The following RIC1 variants were observed in gnomAD, a reference collection of about 807,000 sequenced individuals.
RIC1 encodes the protein RIC1 partner of RAB6A GEF complex, also known as guanine nucleotide exchange factor subunit RIC1.
RIC1 carries 88 observed loss-of-function variants against 169.0 expected under a neutral mutation model. That is an observed-to-expected ratio of 0.52 (90% CI 0.44 to 0.62). The LOEUF is 0.62. Among genes scored for constraint, RIC1 ranks in the 20% least tolerant of loss-of-function variants. The pLI is 0.00. For synonymous variants in RIC1, 790 were observed against 601.5 expected (o/e 1.31, Z -4.59); for missense variants, 1,877 against 1,725.5 (o/e 1.09, Z -1.56).
intron 1 of RIC1, among the ~76,000 whole-genome samples, chr9:5,650,865 G>A (rs1289149280): frequency 6.6e-6 from 1 of 152,110 alleles, no homozygotes; most frequent in Non-Finnish European, 1.5e-5. Flanking sequence ...CACTCTGCTG[G>A]GTCCAAGTGG....
Position 5,629,228 on chromosome 9 carries a change from G to A in RIC1, c.-82G>A. The A allele has an allele frequency of 1.1e-5, 14 of 1,254,404 alleles. No individual in the cohort carries two copies. The highest frequency in any genetic ancestry group is 1.4e-5 in the Non-Finnish European group (14 of 992,038). The allele number at this position is 1,254,404 out of a possible 1,614,324, so 77.7% of individuals were successfully genotyped here. On this transcript the variant is annotated 5_prime_UTR_variant, in exon 1 of 26. Transcript: ENST00000414202. The stretch of plus-strand genomic sequence containing the variant: ...GCCGCCGCCGCCGACTCGGCCGGTG[G>A]CGGTGTGGGAGGTGGGCGACCAGCC...
intron 22 of RIC1, 42 bp from the exon 23 acceptor site, chr9:5,770,045 C>T (rs1290016681): frequency 7.2e-6 from 11 of 1,525,438 alleles, no homozygotes; most frequent in Non-Finnish European, 9.7e-6. Context: ...TGTGCATCTT[C>T]AATTTCTTCC....
chr9:5,761,147 TC>T (rs1231484766), intron 17 of RIC1, among the ~76,000 whole-genome samples: 4 of 133,764 alleles, frequency 3.0e-5, no homozygotes, highest in Middle Eastern at 3.6e-3. Context: ...GGAGTCTTGC[TC>T]TGTCACCCAG....
intron 1 of RIC1, among the ~76,000 whole-genome samples, chr9:5,653,833 T>TG (rs1455176128): frequency 1.3e-5 from 2 of 152,100 alleles, no homozygotes; most frequent in African/African-American, 4.8e-5. Flanking sequence ...TTTGACCTGG[T>TG]GATCTGCCTG....
chr9:5,708,407 C>T (rs1338730110), intron 3 of RIC1, among the ~76,000 whole-genome samples: 3 of 151,964 alleles, frequency 2.0e-5, no homozygotes, highest in African/African-American at 7.3e-5. Flanking sequence ...TGAGTTATTG[C>T]CTCTTGTTTT....
chr9:5,630,034 C>G (rs756045023), intron 1 of RIC1, among the ~76,000 whole-genome samples: 1 of 152,158 alleles, frequency 6.6e-6, no homozygotes, highest in Non-Finnish European at 1.5e-5. Flanking sequence ...TCGAGTTGGT[C>G]TTTTTCTTTG....
chr9:5,673,504 C>G (rs1420855182), intron 2 of RIC1, among the ~76,000 whole-genome samples: 1 of 124,390 alleles, frequency 8.0e-6, no homozygotes, highest in African/African-American at 3.4e-5. Flanking sequence ...GAAGGTACCC[C>G]ACAAAATATA....
chr9:5,741,646 T>C (rs1825087534), intron 8 of RIC1, among the ~76,000 whole-genome samples: 1 of 152,216 alleles, frequency 6.6e-6, no homozygotes, highest in African/African-American at 2.4e-5. Flanking sequence ...CTTATTTAGC[T>C]CTTTTTCCAA....
intron 3 of RIC1, among the ~76,000 whole-genome samples, chr9:5,694,594 T>C (rs1440502106): frequency 2.0e-5 from 3 of 152,196 alleles, no homozygotes; most frequent in African/African-American, 4.8e-5. Context: ...TGAGCACTTA[T>C]TAATAGGATT....
intron 7 of RIC1, 134 bp from the exon 8 acceptor site, chr9:5,738,316 A>G (rs1009946393): frequency 2.4e-5 from 15 of 627,276 alleles, no homozygotes; most frequent in East Asian, 2.1e-4. Flanking sequence ...AATTTATGAG[A>G]TGACTGCAAC....
chr9:5,672,424 C>T (rs1820160594), intron 2 of RIC1, among the ~76,000 whole-genome samples: 1 of 152,052 alleles, frequency 6.6e-6, no homozygotes, highest in South Asian at 2.1e-4. Context: ...TTTTTCAGAG[C>T]TAAAAATTTC....
At chr9:5,719,704 C>G (rs1823471760) in intron 4 of RIC1, among the ~76,000 whole-genome samples, 1 of 152,158 alleles carries the variant, frequency 6.6e-6, no homozygotes, top group Non-Finnish European at 1.5e-5. Flanking sequence ...AGTGTATAGT[C>G]ACCACATACA....
Position 5,630,345 on chromosome 9 carries a change from A to G in RIC1, c.144+892A>G, listed in dbSNP as rs1044539485. ...TATAAAAATGCTTTTTTTCCTCCCCAAAGAAGGCAGTACCAATCGATGTCA... is the reference window on the plus strand; with the variant it reads ...TATAAAAATGCTTTTTTTCCTCCCCGAAGAAGGCAGTACCAATCGATGTCA... On this transcript the variant is annotated intron_variant, in intron 1 of 25. Transcript: ENST00000414202. Among the ~76,000 whole-genome samples, 3 of 152,192 alleles carry G rather than the reference A, an allele frequency of 2.0e-5. No individual in the cohort carries two copies. The East Asian group carries it at 5.8e-4, about 29-fold the overall frequency.
intron 6 of RIC1, among the ~76,000 whole-genome samples, chr9:5,722,883 G>T (rs950762359): frequency 6.6e-6 from 1 of 152,188 alleles, no homozygotes; most frequent in Non-Finnish European, 1.5e-5. Flanking sequence ...CAAAGGACAT[G>T]AACTCATCCT....
chr9:5,670,643 A>T (rs1267965265), intron 2 of RIC1, among the ~76,000 whole-genome samples: 1 of 152,210 alleles, frequency 6.6e-6, no homozygotes, highest in Non-Finnish European at 1.5e-5. Flanking sequence ...TAAAGATGGA[A>T]TGAGCCCAGA....
At chr9:5,742,488 T>C (rs77628196) in intron 8 of RIC1, among the ~76,000 whole-genome samples, 1 of 152,114 alleles carries the variant, frequency 6.6e-6, no homozygotes, top group African/African-American at 2.4e-5. Context: ...ACTGTGTAGC[T>C]TTTTTTAAGG....
At chr9:5,664,091 G>A (rs1819614118) in intron 2 of RIC1, among the ~76,000 whole-genome samples, 1 of 152,046 alleles carries the variant, frequency 6.6e-6, no homozygotes, top group African/African-American at 2.4e-5. Flanking sequence ...ATGAAATTCT[G>A]GGTTGGAAAT....
intron 1 of RIC1, among the ~76,000 whole-genome samples, chr9:5,649,773 A>G (rs950324036): frequency 6.6e-6 from 1 of 151,418 alleles, no homozygotes; most frequent in African/African-American, 2.4e-5. Flanking sequence ...TATACTTACA[A>G]GTTGATGTCT....
Position 5,770,288 on chromosome 9 carries a change from A to AT in RIC1, c.3616+14dup, listed in dbSNP as rs756031928. On this transcript the variant is annotated intron_variant, in intron 23 of 25. Transcript: ENST00000414202. ...CCTTTATCTAATAAAGGTAAATGTA[A>AT]TTTTAAATCCTAGCTCTTCAGTTCC... The AT allele has an allele frequency of 1.8e-5, 29 of 1,607,004 alleles. No homozygotes were observed. The South Asian group carries it at 3.2e-4, about 18-fold the overall frequency.
Sources: gnomAD v4.1 joint callset for allele counts (sites outside exome capture counted in the v4.1 genomes callset) on GRCh38, gnomAD v4.1.1 for gene constraint, MANE v1.5 for transcripts, NCBI Gene and HGNC (gene_info 2026-07-23, HGNC 2026-07-21) for gene names.